Variants in GLRA2 observed in about 807,000 individuals in gnomAD.
GLRA2 encodes glycine receptor alpha 2, also known as glycine receptor subunit alpha-2.
GLRA2 carries 11 observed loss-of-function variants against 31.6 expected under a neutral mutation model. That is an observed-to-expected ratio of 0.35 (90% CI 0.22 to 0.58). The LOEUF (loss-of-function observed/expected upper bound fraction) is 0.58. GLRA2 is among the 20% of genes least tolerant of loss of function. The probability of loss-of-function intolerance (pLI) is 0.84; values close to 1 mark genes in which losing one functional copy is unlikely to be tolerated. For missense variants in GLRA2, 212 were observed against 351.8 expected (o/e 0.60, Z 3.18); for synonymous variants, 132 against 134.0 (o/e 0.99, Z 0.10).
chrX:14,622,701 C>A (rs957283576), intron 7 of GLRA2, among the ~76,000 whole-genome samples: 39 of 111,499 alleles, frequency 3.5e-4, no homozygotes, highest in Non-Finnish European at 5.8e-4. Context: ...CTGTTCTGTT[C>A]CATTGGTCTA....
At chrX:14,638,553 C>A (rs1346308879) in intron 7 of GLRA2, among the ~76,000 whole-genome samples, 1 of 110,483 alleles carries the variant, frequency 9.1e-6, no homozygotes, top group African/African-American at 3.3e-5. Flanking sequence ...GTTTGAGGAC[C>A]TTCCTTTTAA....
chrX:14,646,146 A>G (rs2090829636), intron 7 of GLRA2, among the ~76,000 whole-genome samples: 1 of 112,342 alleles, frequency 8.9e-6, no homozygotes, highest in South Asian at 3.6e-4. Flanking sequence ...ACACAACCCC[A>G]TATGGTGAAG....
chrX:14,673,336 C>A (rs1457513335), intron 7 of GLRA2, among the ~76,000 whole-genome samples: 1 of 111,754 alleles, frequency 8.9e-6, no homozygotes, highest in Non-Finnish European at 1.9e-5. Flanking sequence ...ATTTTGTACT[C>A]CAGAATCACC....
chrX:14,714,517 TC>T (rs764355908), intron 8 of GLRA2, among the ~76,000 whole-genome samples: 1 of 111,761 alleles, frequency 8.9e-6, no homozygotes, highest in African/African-American at 3.3e-5. Context: ...CCAACTCAAC[TC>T]CCTATGCCGC....
At chrX:14,556,347 A>G (rs903285774) in intron 2 of GLRA2, among the ~76,000 whole-genome samples, 1 of 111,761 alleles carries the variant, frequency 8.9e-6, no homozygotes, top group African/African-American at 3.3e-5. Flanking sequence ...AAAGGAAAGG[A>G]TATGTCATTT....
intron 7 of GLRA2, among the ~76,000 whole-genome samples, chrX:14,631,994 G>A (rs1376087535): frequency 2.0e-4 from 1 of 5,124 alleles, no homozygotes; most frequent in African/African-American, 7.0e-4. Context: ...ACTCTTCTCT[G>A]TGAACTTCAG....
intron 8 of GLRA2, among the ~76,000 whole-genome samples, chrX:14,728,402 A>C (rs1019044108): frequency 9.0e-6 from 1 of 111,500 alleles, no homozygotes; most frequent in Non-Finnish European, 1.9e-5. Flanking sequence ...AAAAATAATA[A>C]TAATAAAGGT....
the GLRA2 span, among the ~76,000 whole-genome samples, chrX:14,458,725 T>A: frequency 8.9e-6 from 1 of 111,865 alleles, no homozygotes; most frequent in Non-Finnish European, 1.9e-5. Flanking sequence ...GGTTGTTTGT[T>A]TTTTTCTTGT....
At chrX:14,725,738 T>TA (rs1351784143) in intron 8 of GLRA2, among the ~76,000 whole-genome samples, 1 of 112,232 alleles carries the variant, frequency 8.9e-6, no homozygotes, top group East Asian at 2.8e-4. Flanking sequence ...AGAATTATTC[T>TA]AAACACAGGA....
At chrX:14,542,091 C>CT (rs952393427) in intron 2 of GLRA2, among the ~76,000 whole-genome samples, 1 of 111,214 alleles carries the variant, frequency 9.0e-6, no homozygotes, top group Non-Finnish European at 1.9e-5. Flanking sequence ...GGAAAGGAGA[C>CT]TTTATTTCTT....
chrX:14,687,508 T>A (rs902022318), intron 7 of GLRA2, among the ~76,000 whole-genome samples: 4 of 111,881 alleles, frequency 3.6e-5, no homozygotes, highest in Non-Finnish European at 7.5e-5. Flanking sequence ...CATTTCTTTT[T>A]ACTCTTTTTT....
At chrX:14,714,994 G>T (rs73437302) in intron 8 of GLRA2, among the ~76,000 whole-genome samples, 1 of 111,705 alleles carries the variant, frequency 9.0e-6, no homozygotes, top group Non-Finnish European at 1.9e-5. Flanking sequence ...AATTTATTTG[G>T]TAAAATATTT....
At chrX:14,518,524 A>G in the GLRA2 span, among the ~76,000 whole-genome samples, 1 of 112,154 alleles carries the variant, frequency 8.9e-6, no homozygotes, top group Non-Finnish European at 1.9e-5. Context: ...CAAAGGATGG[A>G]GAAATACAGC....
intron 7 of GLRA2, among the ~76,000 whole-genome samples, chrX:14,688,640 A>G (rs2091307047): frequency 9.0e-6 from 1 of 111,296 alleles, no homozygotes; most frequent in African/African-American, 3.3e-5. Flanking sequence ...GCTTGCTAAG[A>G]CCATTGCAAA....
At chrX:14,463,465 C>G in the GLRA2 span, among the ~76,000 whole-genome samples, 1 of 112,020 alleles carries the variant, frequency 8.9e-6, no homozygotes, top group African/African-American at 3.2e-5. Flanking sequence ...GAGGTGGAAT[C>G]TAGAGAGGCA....
rs1051153654 is a variant in GLRA2, at chrX:14,578,595, G to A, written c.271-2588G>A. Among the ~76,000 whole-genome samples, 3 of 112,045 alleles carry A rather than the reference G, an allele frequency of 2.7e-5. 1 individual carries two copies. Among genetic ancestry groups the A allele is most frequent in the African/African-American group, 3.2e-5 (1 of 30,846 alleles). ...ATGACTAATAAGGAGAAAATGATAA[G>A]ATAGGTTATATTCTGTTTTTGAAAT... On this transcript the variant is annotated intron_variant, in intron 3 of 8. Coordinates refer to ENST00000218075, the MANE Select transcript of GLRA2 (RefSeq NM_002063.4).
At chrX:14,471,753 C>G in the GLRA2 span, among the ~76,000 whole-genome samples, 1 of 112,143 alleles carries the variant, frequency 8.9e-6, no homozygotes, top group African/African-American at 3.2e-5. Flanking sequence ...CACATATTTT[C>G]AGCTAATTTG....
At chrX:14,598,309 A>C (rs1272310616) in intron 4 of GLRA2, among the ~76,000 whole-genome samples, 2 of 112,300 alleles carry the variant, frequency 1.8e-5, no homozygotes, top group Non-Finnish European at 1.9e-5. Flanking sequence ...TTTGTACCTG[A>C]AAATTCATCT....
chrX:14,702,964 T>C (rs748523723), intron 8 of GLRA2, among the ~76,000 whole-genome samples: 9 of 111,127 alleles, frequency 8.1e-5, no homozygotes, highest in Non-Finnish European at 1.5e-4. Context: ...TAGGTGATGT[T>C]GCTCAGCTGC....
Sources: allele counts gnomAD v4.1 joint callset (sites outside exome capture counted in the v4.1 genomes callset), GRCh38; gene constraint gnomAD v4.1.1; transcripts MANE v1.5; gene names NCBI Gene and HGNC (gene_info 2026-07-23, HGNC 2026-07-21).